PRKCI: variants seen among roughly 807,000 people sequenced by gnomAD.
PRKCI encodes protein kinase C iota type.
In PRKCI, 43 loss-of-function variants were observed where a neutral mutation model predicts 84.0. That is an observed-to-expected ratio of 0.51 (90% CI 0.40 to 0.66). The LOEUF (loss-of-function observed/expected upper bound fraction) is 0.66. PRKCI is among the 30% of genes least tolerant of loss of function. The pLI is 0.00. For synonymous variants in PRKCI, 216 were observed against 234.4 expected (o/e 0.92, Z 0.72); for missense variants, 459 against 745.6 (o/e 0.62, Z 4.48).
chr3:170,283,899 G>A (rs1321086199), intron 11 of PRKCI, among the ~76,000 whole-genome samples: 2 of 152,170 alleles, frequency 1.3e-5, no homozygotes, highest in Admixed American at 6.6e-5. Flanking sequence ...CAGTGAGTTG[G>A]TAGCAGTTTT....
At position 170,299,742 on chromosome 3, in the gene PRKCI, G is replaced by C. The variant is rs933795414; in HGVS notation, c.1703+632G>C. 3.9e-5 allele frequency among the ~76,000 whole-genome samples: 6 copies of C among 152,236 alleles called. 1 individual carries two copies. In the East Asian group the frequency reaches 5.8e-4, roughly 15 times the overall value. On this transcript the variant is annotated intron_variant, in intron 17 of 17. Coordinates refer to ENST00000295797, the MANE Select transcript of PRKCI (RefSeq NM_002740.6). Reference sequence around the variant, plus strand: ...AAAGTTACACAGCTATCAGGTGGCAGAGTCAGGATTCAAACCCAAATCTGA... The same window carrying C: ...AAAGTTACACAGCTATCAGGTGGCACAGTCAGGATTCAAACCCAAATCTGA...
At position 170,252,577 on chromosome 3, in the gene PRKCI, CT is replaced by C. The variant is rs563324385; in HGVS notation, c.224-7384del. 9.2e-3 allele frequency among the ~76,000 whole-genome samples: 1,390 copies of C among 150,658 alleles called. 19 individuals are homozygous for C. The highest frequency in any genetic ancestry group is 0.032 in the African/African-American group (1,330 of 41,206). On this transcript the variant is annotated intron_variant, in intron 2 of 17. Transcript: ENST00000295797. Reference sequence around the variant, plus strand: ...CCTGTTGTGCTATCAAGTACTAGATCTTTTTTTTCTTTTTTACTTTTTCTAA... The same window carrying C: ...CCTGTTGTGCTATCAAGTACTAGATCTTTTTTTCTTTTTTACTTTTTCTAA...
At chr3:170,278,197 T>C (rs994142201) in intron 8 of PRKCI, among the ~76,000 whole-genome samples, 12 of 152,060 alleles carry the variant, frequency 7.9e-5, no homozygotes, top group African/African-American at 2.9e-4. Flanking sequence ...AACTCTATCT[T>C]TTTTGCTCCA....
At chr3:170,252,718 C>T (rs889417111) in intron 2 of PRKCI, among the ~76,000 whole-genome samples, 2 of 152,008 alleles carry the variant, frequency 1.3e-5, no homozygotes, top group Non-Finnish European at 2.9e-5. Flanking sequence ...CCTGCCTCAG[C>T]CTACTGAGAC....
chr3:170,228,616 TACACACACACACACAC>T (rs36006947), intron 1 of PRKCI, among the ~76,000 whole-genome samples: 1 of 147,286 alleles, frequency 6.8e-6, no homozygotes, highest in Non-Finnish European at 1.5e-5. Flanking sequence ...TATATATATA[TACACACACACACACAC>T]ACACACACAT....
chr3:170,225,676 G>A (rs1410621345), intron 1 of PRKCI, among the ~76,000 whole-genome samples: 1 of 151,244 alleles, frequency 6.6e-6, no homozygotes, highest in Non-Finnish European at 1.5e-5. Context: ...TCAAAGTGCT[G>A]GGATTACAGG....
chr3:170,304,823 T>C lies in PRKCI; in HGVS notation c.*1696T>C. 1 of 152,314 alleles carries C rather than the reference T, an allele frequency of 6.6e-6. No homozygotes were observed. Among genetic ancestry groups the C allele is most frequent in the Middle Eastern group, 3.4e-3 (1 of 294 alleles). 9.4% of individuals were successfully genotyped at this position (152,314 alleles called of 1,614,324 possible). A position where few individuals can be genotyped will look rare whatever the true frequency, so the allele number is the denominator to read the frequency against. ...TAAATTACTTAAAATTTTTTAATCTTAGTAAAAATTTTAGGAAAGTTATCT... is the reference window on the plus strand; with the variant it reads ...TAAATTACTTAAAATTTTTTAATCTCAGTAAAAATTTTAGGAAAGTTATCT... On this transcript the variant is annotated 3_prime_UTR_variant, in exon 18 of 18. Transcript: ENST00000295797.
chr3:170,264,832 G>A (rs552730377), intron 4 of PRKCI, among the ~76,000 whole-genome samples: 15 of 152,042 alleles, frequency 9.9e-5, no homozygotes, highest in Non-Finnish European at 2.1e-4. Flanking sequence ...TTTTAAAATG[G>A]ACTCTCAAAA....
At chr3:170,275,359 C>T (rs1480920220) in intron 8 of PRKCI, 72 bp downstream of exon 8, 14 of 1,412,140 alleles carry the variant, frequency 9.9e-6, no homozygotes, top group Non-Finnish European at 1.3e-5. Flanking sequence ...AAAAGTATGA[C>T]ATATTGACCT....
At chr3:170,234,963 A>ACT (rs1732930939) in intron 1 of PRKCI, among the ~76,000 whole-genome samples, 1 of 151,404 alleles carries the variant, frequency 6.6e-6, no homozygotes, top group Non-Finnish European at 1.5e-5. Context: ...TATTTTTAGT[A>ACT]GAGACGGGGT....
At chr3:170,236,864 C>CAAAAAAA (rs11392753) in intron 2 of PRKCI, among the ~76,000 whole-genome samples, 1 of 125,652 alleles carries the variant, frequency 8.0e-6, no homozygotes, top group African/African-American at 3.1e-5. Flanking sequence ...GACCCTGTCT[C>CAAAAAAA]AAAAAAAAAA....
intron 2 of PRKCI, among the ~76,000 whole-genome samples, chr3:170,239,787 G>T (rs1329481724): frequency 6.6e-6 from 1 of 151,244 alleles, no homozygotes; most frequent in South Asian, 2.1e-4. Flanking sequence ...TGAGAGCAGA[G>T]GTCTTGTCTG....
rs543397489 is a variant in PRKCI, at chr3:170,296,748, T to TA, written c.1498-555dup. The stretch of plus-strand genomic sequence containing the variant: ...GAAAAATGAAGGCAAGAGGTGTTGA[T>TA]ATGCAAAATAAAATACCTTTTATCA... On this transcript the variant is annotated intron_variant, in intron 15 of 17. Coordinates refer to ENST00000295797, the MANE Select transcript of PRKCI (RefSeq NM_002740.6). Among the ~76,000 whole-genome samples the TA allele has an allele frequency of 1.3e-4, 20 of 152,316 alleles. No individual in the cohort carries two copies. The South Asian group carries it at 4.1e-3, about 32-fold the overall frequency.
At chr3:170,284,119 C>T (rs1173398196) in intron 11 of PRKCI, among the ~76,000 whole-genome samples, 2 of 152,044 alleles carry the variant, frequency 1.3e-5, no homozygotes, top group African/African-American at 2.4e-5. Context: ...TTTGAGGACT[C>T]TGTAGATACT....
intron 8 of PRKCI, among the ~76,000 whole-genome samples, chr3:170,276,059 G>A (rs1034454856): frequency 2.7e-5 from 4 of 150,308 alleles, no homozygotes; most frequent in African/African-American, 7.3e-5. Context: ...TTAGCCTCCC[G>A]AGTAGCTAGG....
At chr3:170,295,067 C>G (rs150483293) in intron 14 of PRKCI, among the ~76,000 whole-genome samples, 1 of 150,942 alleles carries the variant, frequency 6.6e-6, no homozygotes, top group Non-Finnish European at 1.5e-5. Context: ...AAAAAATTAG[C>G]TGGGCGTCGT....
intron 2 of PRKCI, among the ~76,000 whole-genome samples, chr3:170,255,455 T>A (rs1733563134): frequency 6.6e-6 from 1 of 152,206 alleles, no homozygotes; most frequent in Non-Finnish European, 1.5e-5. Context: ...TTTTTCAGAT[T>A]ATTTGCTGTG....
chr3:170,288,812 C>G (rs937085462), intron 12 of PRKCI, among the ~76,000 whole-genome samples: 1 of 152,140 alleles, frequency 6.6e-6, no homozygotes, highest in Non-Finnish European at 1.5e-5. Flanking sequence ...AATTAACCCT[C>G]CAAAAGTTTG....
At chr3:170,270,596 T>TTTTA in intron 6 of PRKCI, 35 bp downstream of exon 6, 1 of 1,507,564 alleles carries the variant, frequency 6.6e-7, no homozygotes, top group Non-Finnish European at 9.0e-7. Context: ...TTTTTTTTTT[T>TTTTA]AAGAGCGTGC....
Sources: allele counts gnomAD v4.1 joint callset (sites outside exome capture counted in the v4.1 genomes callset), GRCh38; gene constraint gnomAD v4.1.1; transcripts MANE v1.5; gene names NCBI Gene and HGNC (gene_info 2026-07-23, HGNC 2026-07-21).